Variants in B3GALT1 observed in about 807,000 individuals in gnomAD.
B3GALT1 encodes beta-1,3-galactosyltransferase 1, also known as UDP-Gal:betaGlcNAc beta 1,3-galactosyltransferase, polypeptide 1.
A neutral mutation model predicts 23.2 loss-of-function variants in B3GALT1; 10 were observed. The ratio of observed to expected loss-of-function variants is 0.43; its 90% confidence interval spans 0.27 to 0.73. B3GALT1 has a LOEUF of 0.73. B3GALT1 is among the 30% of genes least tolerant of loss of function. The pLI, the probability that B3GALT1 is intolerant of heterozygous loss-of-function variation, is 0.21. For synonymous variants in B3GALT1, 156 were observed against 141.5 expected (o/e 1.10, Z -0.73); for missense variants, 299 against 405.4 (o/e 0.74, Z 2.25).
intron 1 of B3GALT1, among the ~76,000 whole-genome samples, chr2:167,329,116 G>A (rs1050970263): frequency 2.6e-5 from 4 of 152,130 alleles, no homozygotes; most frequent in Non-Finnish European, 2.9e-5. Flanking sequence ...CCTGGTCACA[G>A]TCTTTATACT....
chr2:167,400,293 G>A (rs1698168000), intron 1 of B3GALT1, among the ~76,000 whole-genome samples: 1 of 151,752 alleles, frequency 6.6e-6, no homozygotes, highest in South Asian at 2.1e-4. Context: ...CTTCAGTAAT[G>A]TGCAATTTTT....
chr2:167,395,594 A>G (rs1260029680), intron 1 of B3GALT1, among the ~76,000 whole-genome samples: 1 of 152,146 alleles, frequency 6.6e-6, no homozygotes, highest in Non-Finnish European at 1.5e-5. Flanking sequence ...CCAGAATTCT[A>G]AGATAATAAA....
intron 3 of B3GALT1, among the ~76,000 whole-genome samples, chr2:167,799,235 A>G (rs1157546519): frequency 1.3e-5 from 2 of 152,184 alleles, no homozygotes; most frequent in African/African-American, 2.4e-5. Flanking sequence ...GTTTTTGGTT[A>G]CATGGATGAA....
At chr2:167,686,790 C>T (rs936358297) in intron 3 of B3GALT1, among the ~76,000 whole-genome samples, 1 of 152,062 alleles carries the variant, frequency 6.6e-6, no homozygotes, top group African/African-American at 2.4e-5. Context: ...GAAGAGGAGA[C>T]CAAGCCTAAA....
intron 1 of B3GALT1, among the ~76,000 whole-genome samples, chr2:167,312,025 C>T (rs1240821194): frequency 1.3e-5 from 2 of 151,422 alleles, no homozygotes; most frequent in Non-Finnish European, 3.0e-5. Context: ...AATAAAATTC[C>T]AAAAACAAAA....
chr2:167,443,509 A>G (rs1698929932), intron 1 of B3GALT1, among the ~76,000 whole-genome samples: 1 of 152,112 alleles, frequency 6.6e-6, no homozygotes, highest in African/African-American at 2.4e-5. Flanking sequence ...ATCCATGAGC[A>G]TGGAATATTC....
At chr2:167,556,386 A>G (rs745829502) in intron 2 of B3GALT1, among the ~76,000 whole-genome samples, 39 of 152,272 alleles carry the variant, frequency 2.6e-4, no homozygotes, top group Admixed American at 5.2e-4. Context: ...CTATTTATCT[A>G]TAATGAACAA....
chr2:167,664,436 G>A (rs1389090000), intron 3 of B3GALT1, among the ~76,000 whole-genome samples: 1 of 151,938 alleles, frequency 6.6e-6, no homozygotes, highest in Admixed American at 6.5e-5. Context: ...GATTGACTTG[G>A]CAATGCGGGC....
intron 3 of B3GALT1, among the ~76,000 whole-genome samples, chr2:167,700,701 A>G (rs908664094): frequency 6.6e-6 from 1 of 152,188 alleles, no homozygotes; most frequent in African/African-American, 2.4e-5. Flanking sequence ...GAGTAAACTG[A>G]AAATAATGGT....
At chr2:167,801,313 C>A (rs563707550) in intron 3 of B3GALT1, among the ~76,000 whole-genome samples, 2 of 152,242 alleles carry the variant, frequency 1.3e-5, no homozygotes, top group East Asian at 3.9e-4. Flanking sequence ...TCATTGTAGA[C>A]ATAGGAGATG....
chr2:167,485,024 G>A (rs1699605371), intron 1 of B3GALT1, among the ~76,000 whole-genome samples: 1 of 152,078 alleles, frequency 6.6e-6, no homozygotes, highest in East Asian at 1.9e-4. Flanking sequence ...ATGCTGGTCA[G>A]TTGTGCCTGA....
intron 3 of B3GALT1, among the ~76,000 whole-genome samples, chr2:167,701,052 A>G (rs1483286923): frequency 2.6e-5 from 4 of 152,210 alleles, no homozygotes; most frequent in African/African-American, 9.6e-5. Flanking sequence ...ATTCACGTCA[A>G]CCTTATAAGA....
chr2:167,565,894 C>T (rs1251540355), intron 2 of B3GALT1, among the ~76,000 whole-genome samples: 11 of 151,944 alleles, frequency 7.2e-5, no homozygotes. Flanking sequence ...CACTTTTACA[C>T]TGTTGGTGGG....
At chr2:167,314,769 G>A (rs537659276) in intron 1 of B3GALT1, among the ~76,000 whole-genome samples, 1 of 151,970 alleles carries the variant, frequency 6.6e-6, no homozygotes, top group African/African-American at 2.4e-5. Context: ...ACTCTATTTT[G>A]TATTTTAAAG....
intron 2 of B3GALT1, among the ~76,000 whole-genome samples, chr2:167,595,193 C>T (rs1224790316): frequency 2.0e-5 from 3 of 151,930 alleles, no homozygotes; most frequent in Non-Finnish European, 4.4e-5. Flanking sequence ...GTTGTGGGGA[C>T]CAGCAGAGCA....
chr2:167,548,724 GTGTC>G (rs1683694314), intron 2 of B3GALT1, among the ~76,000 whole-genome samples: 1 of 148,338 alleles, frequency 6.7e-6, no homozygotes, highest in African/African-American at 2.5e-5. Context: ...GTGTATGTGT[GTGTC>G]TATGTATGAA....
chr2:167,865,064 T>G (rs936717165), intron 4 of B3GALT1, among the ~76,000 whole-genome samples: 1 of 152,206 alleles, frequency 6.6e-6, no homozygotes, highest in Non-Finnish European at 1.5e-5. Context: ...CAGCTACCTA[T>G]GTTTATGCAG....
chr2:167,852,432 TA>T (rs900286217), intron 4 of B3GALT1, among the ~76,000 whole-genome samples: 3 of 151,858 alleles, frequency 2.0e-5, no homozygotes, highest in African/African-American at 7.3e-5. Flanking sequence ...TCAGATTTTG[TA>T]TTAGGTTTCC....
At chr2:167,532,854 CTTTTTTTTT>C (rs1173819982) in intron 2 of B3GALT1, among the ~76,000 whole-genome samples, 3 of 96,460 alleles carry the variant, frequency 3.1e-5, no homozygotes, top group African/African-American at 1.3e-4. Flanking sequence ...TTTACTGCAT[CTTTTTTTTT>C]TTTTTTTTTT....
Sources: allele counts gnomAD v4.1 joint callset (sites outside exome capture counted in the v4.1 genomes callset), GRCh38; gene constraint gnomAD v4.1.1; transcripts MANE v1.5; gene names NCBI Gene and HGNC (gene_info 2026-07-23, HGNC 2026-07-21).